The following P2RX4 variants were observed in gnomAD, a reference collection of about 807,000 sequenced individuals.
P2RX4 encodes P2X purinoceptor 4.
Under a neutral mutation model 48.0 loss-of-function variants are expected in P2RX4, and 37 were observed. The ratio of observed to expected loss-of-function variants is 0.77; its 90% confidence interval spans 0.59 to 1.01. P2RX4 has a LOEUF of 1.01. Ranked by LOEUF, P2RX4 falls within the 50% of genes least tolerant of loss-of-function variation. The pLI is 0.00. For missense variants in P2RX4, 501 were observed against 521.4 expected (o/e 0.96, Z 0.38); for synonymous variants, 200 against 199.7 (o/e 1.00, Z -0.01).
intron 2 of P2RX4, among the ~76,000 whole-genome samples, chr12:121,217,931 T>C (rs1335789281): frequency 6.6e-6 from 1 of 152,082 alleles, no homozygotes. Flanking sequence ...TCTGCAAAGC[T>C]CCAAGTTAAA....
intron 2 of P2RX4, among the ~76,000 whole-genome samples, chr12:121,220,950 T>TAGCCTGTATC (rs1345127118): frequency 2.6e-5 from 4 of 152,178 alleles, no homozygotes; most frequent in African/African-American, 9.7e-5. Flanking sequence ...ATCCATGTTG[T>TAGCCTGTATC]AGCCTGTATC....
At chr12:121,231,461 C>A (rs1887354836) in intron 8 of P2RX4, among the ~76,000 whole-genome samples, 1 of 152,178 alleles carries the variant, frequency 6.6e-6, no homozygotes, top group Admixed American at 6.5e-5. Flanking sequence ...CTTCTGTCAT[C>A]CCCCGGCCCC....
chr12:121,228,799 GCCC>G lies in P2RX4; in HGVS notation c.682_684del (p.Pro228del). ...TATGATGCTAAAACAGATCCCTTCT[GCCC>G]CATATTCCGTCTTGGCAAAATAGTG... On this transcript the variant is annotated inframe_deletion, in exon 7 of 12. Transcript: ENST00000337233. The G allele has an allele frequency of 6.2e-7, 1 of 1,614,114 alleles. No homozygotes were observed. The highest frequency in any genetic ancestry group is 8.5e-7 in the Non-Finnish European group (1 of 1,180,012).
chr12:121,227,063 G>A (rs1444396375), intron 5 of P2RX4, among the ~76,000 whole-genome samples: 4 of 151,714 alleles, frequency 2.6e-5, no homozygotes, highest in Admixed American at 6.6e-5. Flanking sequence ...AGCCGAGATC[G>A]CGGCATTGCA....
At position 121,210,268 on chromosome 12, in the gene P2RX4, T is replaced by A; in HGVS notation, c.104T>A (p.Val35Glu). 6.4e-7 allele frequency: 1 copy of A among 1,556,294 alleles called. No homozygotes were observed. Residue 35 changes from valine to glutamate, a missense_variant, in exon 1 of 12, where the codon GTG becomes GAG. Physicochemically the swap from Val to Glu is moderately radical, Grantham distance 121. Transcript: ENST00000337233. ...SRKVGLMNRAVQLLILAYVIG... is the reference protein window; with the variant it reads ...SRKVGLMNRAEQLLILAYVIG... ...AAAGTGGGGCTCATGAACCGCGCCG[T>A]GCAACTGCTCATCCTGGCCTACGTC... is the stretch of plus-strand genomic sequence containing the variant.
chr12:121,222,665 G>A (rs1461753313), intron 4 of P2RX4: 1 of 1,103,578 alleles, frequency 9.1e-7, no homozygotes, highest in African/African-American at 1.6e-5. Context: ...ACCCGCCTCA[G>A]CCTCCCAAAG....
Position 121,232,450 on chromosome 12 carries a change from G to A in P2RX4, c.921G>A (p.Glu307=), listed in dbSNP as rs779238593. 1.9e-5 allele frequency: 31 copies of A among 1,614,110 alleles called. 1 individual carries two copies. Among genetic ancestry groups the A allele is most frequent in the Middle Eastern group, 1.6e-4 (1 of 6,062 alleles). Residue 307 remains glutamate (E), a synonymous_variant, in exon 9 of 12, where the codon GAG becomes GAA. Transcript: ENST00000337233. This position sits in a 1 kb window ranked among gnomAD's most constrained non-coding sequence, Gnocchi z 4.3. Reference sequence around the variant, plus strand: ...ACTACAGAGACCTGGCTGGCAACGAGCAGCGCACGCTCATCAAGGCCTATG... The same window carrying A: ...ACTACAGAGACCTGGCTGGCAACGAACAGCGCACGCTCATCAAGGCCTATG... The part of the protein sequence containing the change: ...AKYYRDLAGN[E]QRTLIKAYGI...
In P2RX4 at chr12:121,221,840, G is replaced by C. The variant is rs185577501; in HGVS notation, c.283-73G>C. 7.0e-5 allele frequency: 90 copies of C among 1,283,282 alleles called. No individual in the cohort carries two copies. In the African/African-American group the frequency reaches 1.2e-3, roughly 17 times the overall value. The allele number at this position is 1,283,282 out of a possible 1,614,324, so 79.5% of individuals were successfully genotyped here. On this transcript the variant is annotated intron_variant, in intron 2 of 11. Transcript: ENST00000337233. ...GTCAGTGTTTGAGTTGTCCTCTTCAGTCAGCGTCTGCCTTTCTTGGCTCTC... is the reference window on the plus strand; with the variant it reads ...GTCAGTGTTTGAGTTGTCCTCTTCACTCAGCGTCTGCCTTTCTTGGCTCTC...
Position 121,232,517 on chromosome 12 carries a change from C to T in P2RX4, c.978+10C>T, listed in dbSNP as rs750546983. 27 of 1,612,120 alleles carry T rather than the reference C, an allele frequency of 1.7e-5. No homozygotes were observed. The highest frequency in any genetic ancestry group is 4.0e-5 in the African/African-American group (3 of 74,904). ...CATTGTGTTTGGGAAGGTAGCTCGC[C>T]GCCACTGGCTCCCCTCCGTCACTCC... On this transcript the variant is annotated intron_variant, in intron 9 of 11. Transcript: ENST00000337233. The surrounding 1 kb of genome is among the most constrained non-coding windows in gnomAD (Gnocchi z 4.3).
intron 2 of P2RX4, among the ~76,000 whole-genome samples, chr12:121,219,022 C>T (rs1886400296): frequency 6.6e-6 from 1 of 152,050 alleles, no homozygotes; most frequent in African/African-American, 2.4e-5. Flanking sequence ...AAGACCCCAA[C>T]TCTAAAAGAG....
chr12:121,210,393 C>A (rs1389471740), intron 1 of P2RX4, 95 bp downstream of exon 1: 1 of 1,220,186 alleles, frequency 8.2e-7, no homozygotes, highest in Non-Finnish European at 1.0e-6. Context: ...TGGGCGAGTC[C>A]GGGAGCGGCG....
At chr12:121,228,659 C>A (rs1887147767) in intron 6 of P2RX4, 46 bp downstream of exon 6, 1 of 1,612,330 alleles carries the variant, frequency 6.2e-7, no homozygotes, top group African/African-American at 1.3e-5. Context: ...CTTGGAGAAA[C>A]TTCTGGCTCT....
chr12:121,226,095 A>C (rs1593218555), intron 5 of P2RX4, among the ~76,000 whole-genome samples: 2 of 147,636 alleles, frequency 1.4e-5, no homozygotes, highest in African/African-American at 2.5e-5. Flanking sequence ...CTGGTCTTGA[A>C]CTCCTGGGCT....
intron 2 of P2RX4, among the ~76,000 whole-genome samples, chr12:121,220,028 A>G (rs982665958): frequency 2.6e-5 from 4 of 152,196 alleles, no homozygotes; most frequent in African/African-American, 9.7e-5. Flanking sequence ...CAGAAACTCT[A>G]AATCAATTAT....
intron 2 of P2RX4, among the ~76,000 whole-genome samples, chr12:121,218,982 G>A (rs1052180959): frequency 3.9e-5 from 6 of 151,980 alleles, no homozygotes; most frequent in East Asian, 3.9e-4. Flanking sequence ...CTGTGATCAC[G>A]CCACTGCACT....
In P2RX4 at chr12:121,232,540, T is replaced by A. The variant is rs1201468431; in HGVS notation, c.978+33T>A. 1.9e-6 allele frequency: 3 copies of A among 1,604,894 alleles called. No homozygotes were observed. Among genetic ancestry groups the A allele is most frequent in the Non-Finnish European group, 2.6e-6 (3 of 1,171,550 alleles). On this transcript the variant is annotated intron_variant, in intron 9 of 11. Coordinates refer to ENST00000337233, the MANE Select transcript of P2RX4 (RefSeq NM_002560.3). The surrounding 1 kb of genome is among the most constrained non-coding windows in gnomAD (Gnocchi z 4.3). ...GCCGCCACTGGCTCCCCTCCGTCACTCCCTGCAGGGACAAGGGGCCTCTCC... is the reference window on the plus strand; with the variant it reads ...GCCGCCACTGGCTCCCCTCCGTCACACCCTGCAGGGACAAGGGGCCTCTCC...
chr12:121,211,120 TGCCCCCTTAGGCTA>T (rs1465903869), intron 1 of P2RX4, among the ~76,000 whole-genome samples: 2 of 152,228 alleles, frequency 1.3e-5, no homozygotes, highest in Non-Finnish European at 2.9e-5. Flanking sequence ...TTCCCCATGC[TGCCCCCTTAGGCTA>T]GAGATGCCCT....
intron 1 of P2RX4, among the ~76,000 whole-genome samples, chr12:121,211,938 G>A (rs1303522697): frequency 6.6e-6 from 1 of 151,902 alleles, no homozygotes; most frequent in Non-Finnish European, 1.5e-5. Flanking sequence ...GCCTCCCAGA[G>A]TGCTGGGATT....
chr12:121,231,551 G>A (rs1038398974), intron 8 of P2RX4, among the ~76,000 whole-genome samples: 2 of 152,022 alleles, frequency 1.3e-5, no homozygotes, highest in African/African-American at 2.4e-5. Context: ...GGCCTTTTGC[G>A]TCTGGCTCCT....
Sources: allele counts gnomAD v4.1 joint callset (sites outside exome capture counted in the v4.1 genomes callset), GRCh38; gene constraint gnomAD v4.1.1; non-coding constraint Gnocchi (gnomAD v3.1); transcripts MANE v1.5; gene names NCBI Gene and HGNC (gene_info 2026-07-23, HGNC 2026-07-21).